PDE4B: variants seen among roughly 807,000 people sequenced by gnomAD.
The protein encoded by PDE4B is 3',5'-cyclic-AMP phosphodiesterase 4B.
Under a neutral mutation model 82.2 loss-of-function variants are expected in PDE4B, and 20 were observed. The ratio of observed to expected loss-of-function variants is 0.24; its 90% CI spans 0.17 to 0.35. The LOEUF (loss-of-function observed/expected upper bound fraction) is 0.35, where lower values mean the gene tolerates loss of function less well. Ranked by LOEUF, PDE4B falls within the 10% of genes least tolerant of loss-of-function variation. PDE4B has a pLI of 1.00. For missense variants in PDE4B, 655 were observed against 907.2 expected, an observed-to-expected ratio of 0.72 and a Z score of 3.57; for synonymous variants, 320 against 318.9, an observed-to-expected ratio of 1.00 and a Z score of -0.04.
intron 3 of PDE4B, among the ~76,000 whole-genome samples, chr1:66,007,180 C>G (rs1023654202): frequency 6.6e-6 from 1 of 152,048 alleles, no homozygotes; most frequent in Non-Finnish European, 1.5e-5. Flanking sequence ...CATGGTGGCT[C>G]ATGCCTGTAA....
intron 1 of PDE4B, among the ~76,000 whole-genome samples, chr1:65,837,584 G>A (rs1201879200): frequency 2.0e-5 from 3 of 152,158 alleles, no homozygotes; most frequent in Admixed American, 1.3e-4. Flanking sequence ...CTTCAGCCTG[G>A]ACGACAGAGC....
chr1:66,093,176 A>C (rs942238178), intron 3 of PDE4B, among the ~76,000 whole-genome samples: 2 of 152,034 alleles, frequency 1.3e-5, no homozygotes, highest in African/African-American at 4.8e-5. Context: ...GCTGAAGTCC[A>C]GCAGCAGTGT....
chr1:66,278,064 A>G (rs1656021294), intron 7 of PDE4B, among the ~76,000 whole-genome samples: 1 of 152,194 alleles, frequency 6.6e-6, no homozygotes, highest in Non-Finnish European at 1.5e-5. Flanking sequence ...TTTTTAATAT[A>G]TTGTAACTGC....
intron 7 of PDE4B, chr1:66,332,120 A>T: frequency 1.6e-6 from 2 of 1,257,526 alleles, no homozygotes; most frequent in Non-Finnish European, 2.0e-6. Flanking sequence ...CACATACCCT[A>T]AAGAACCCTG....
intron 1 of PDE4B, among the ~76,000 whole-genome samples, chr1:65,860,244 G>A (rs890626311): frequency 6.6e-6 from 1 of 152,108 alleles, no homozygotes; most frequent in Non-Finnish European, 1.5e-5. Flanking sequence ...TCCCCTCCCT[G>A]TGTCCATGTG....
chr1:66,204,740 A>C (rs513669), intron 3 of PDE4B, among the ~76,000 whole-genome samples: 5 of 152,172 alleles, frequency 3.3e-5, no homozygotes, highest in Non-Finnish European at 7.3e-5. Flanking sequence ...TCCAGGTGCC[A>C]TCTGTCAACC....
chr1:65,819,083 T>C (rs1645920797), intron 1 of PDE4B, among the ~76,000 whole-genome samples: 1 of 152,118 alleles, frequency 6.6e-6, no homozygotes, highest in Non-Finnish European at 1.5e-5. Context: ...CCAATTGCCA[T>C]AGCAGAAGGA....
chr1:66,275,822 G>C (rs1459218632), intron 7 of PDE4B, among the ~76,000 whole-genome samples: 1 of 152,156 alleles, frequency 6.6e-6, no homozygotes, highest in East Asian at 1.9e-4. Flanking sequence ...TAGAGAACAG[G>C]CAACAGAACT....
At chr1:66,051,141 G>A (rs1444048678) in intron 3 of PDE4B, among the ~76,000 whole-genome samples, 2 of 151,876 alleles carry the variant, frequency 1.3e-5, no homozygotes, top group Non-Finnish European at 2.9e-5. Context: ...TCTCTCTTAT[G>A]GCACATGTAT....
At chr1:66,187,877 C>T (rs1218679445) in intron 3 of PDE4B, among the ~76,000 whole-genome samples, 1 of 151,796 alleles carries the variant, frequency 6.6e-6, no homozygotes, top group East Asian at 1.9e-4. Flanking sequence ...CTTCTGCTAG[C>T]TTTTGAAAGT....
At chr1:66,036,102 G>A (rs1342290777) in intron 3 of PDE4B, among the ~76,000 whole-genome samples, 2 of 152,146 alleles carry the variant, frequency 1.3e-5, no homozygotes, top group Non-Finnish European at 2.9e-5. Flanking sequence ...GAGATGTTAA[G>A]CACTGTGGGC....
intron 1 of PDE4B, among the ~76,000 whole-genome samples, chr1:65,887,780 A>G (rs750409492): frequency 5.9e-5 from 9 of 151,844 alleles, no homozygotes; most frequent in Non-Finnish European, 8.8e-5. Flanking sequence ...ATGTCAATTT[A>G]TGTGCTTGCC....
chr1:66,125,437 C>T (rs554753866), intron 3 of PDE4B, among the ~76,000 whole-genome samples: 1 of 152,338 alleles, frequency 6.6e-6, no homozygotes, highest in Admixed American at 6.5e-5. Flanking sequence ...GCTGGGATTA[C>T]AGGCGTGAGC....
At chr1:65,972,729 C>A (rs1454502812) in intron 3 of PDE4B, among the ~76,000 whole-genome samples, 2 of 152,142 alleles carry the variant, frequency 1.3e-5, no homozygotes, top group African/African-American at 4.8e-5. Context: ...TTCTGCATAA[C>A]TATTTCTGGA....
chr1:66,100,597 C>G (rs1645202737), intron 3 of PDE4B, among the ~76,000 whole-genome samples: 1 of 152,118 alleles, frequency 6.6e-6, no homozygotes, highest in Non-Finnish European at 1.5e-5. Context: ...AGAATTTCCA[C>G]TGGTAGCCAG....
intron 3 of PDE4B, among the ~76,000 whole-genome samples, chr1:66,135,414 C>A (rs1557586243): frequency 6.6e-6 from 1 of 152,134 alleles, no homozygotes; most frequent in Admixed American, 6.5e-5. Flanking sequence ...TCAGTCTCGC[C>A]ATCAGGGGAA....
chr1:65,834,645 T>C lies in PDE4B; in HGVS notation c.-71+41397T>C, dbSNP rs142015228. 3.3e-4 allele frequency among the ~76,000 whole-genome samples: 50 copies of C among 152,312 alleles called. 2 individuals carry two copies. Among genetic ancestry groups the C allele is most frequent in the African/African-American group, 1.2e-3 (48 of 41,578 alleles). On this transcript the variant is annotated intron_variant, in intron 1 of 16. Transcript: ENST00000341517. Reference sequence around the variant, plus strand: ...CCCATGAGAGAAGTATAATTTGGTATAACTAATACCATTTTGTAAATATGG... The same window carrying C: ...CCCATGAGAGAAGTATAATTTGGTACAACTAATACCATTTTGTAAATATGG...
chr1:66,044,792 C>T (rs1654596412), intron 3 of PDE4B, among the ~76,000 whole-genome samples: 1 of 151,622 alleles, frequency 6.6e-6, no homozygotes, highest in Non-Finnish European at 1.5e-5. Context: ...ATCCACATTT[C>T]CATGCCATAT....
chr1:65,804,003 A>G (rs1645725538), intron 1 of PDE4B, among the ~76,000 whole-genome samples: 1 of 152,198 alleles, frequency 6.6e-6, no homozygotes, highest in African/African-American at 2.4e-5. Flanking sequence ...TAGTTTTGTC[A>G]CTAACTTAAT....
Sources: allele counts gnomAD v4.1 joint callset (sites outside exome capture counted in the v4.1 genomes callset), GRCh38; gene constraint gnomAD v4.1.1; transcripts MANE v1.5; gene names NCBI Gene and HGNC (gene_info 2026-07-23, HGNC 2026-07-21).